Variants in LPIN1 observed in about 807,000 individuals in gnomAD.
LPIN1 encodes lipin 1, also known as phosphatidate phosphatase LPIN1.
A neutral mutation model predicts 107.5 loss-of-function variants in LPIN1; 71 were observed. The observed-to-expected ratio is 0.66, with a 90% CI of 0.55 to 0.80. LPIN1 has a LOEUF of 0.80. Among genes scored for constraint, LPIN1 ranks in the 30% least tolerant of loss-of-function variants. The probability of loss-of-function intolerance (pLI) is 0.00; values close to 1 mark genes in which losing one functional copy is unlikely to be tolerated. For missense variants in LPIN1, 1,043 were observed against 1,160.6 expected (o/e 0.90, Z 1.47); for synonymous variants, 445 against 452.6 (o/e 0.98, Z 0.21).
At chr2:11,768,955 A>G (rs1671412883) in intron 3 of LPIN1, among the ~76,000 whole-genome samples, 1 of 151,934 alleles carries the variant, frequency 6.6e-6, no homozygotes, top group Non-Finnish European at 1.5e-5. Context: ...AAAAAAAGAA[A>G]CCAAAAAAAC....
intron 3 of LPIN1, among the ~76,000 whole-genome samples, chr2:11,769,396 T>TTGTG (rs549478968): frequency 3.3e-5 from 5 of 151,398 alleles, no homozygotes; most frequent in Non-Finnish European, 7.4e-5. Context: ...CTTTGCTAGT[T>TTGTG]TGTGTGTGTG....
chr2:11,809,483 C>T (rs887733937), intron 17 of LPIN1, among the ~76,000 whole-genome samples: 1 of 152,072 alleles, frequency 6.6e-6, no homozygotes, highest in African/African-American at 2.4e-5. Context: ...ATGGCATGAT[C>T]TTGGCTCACT....
rs538974530 is a variant in LPIN1, at chr2:11,679,728, G to A, written c.81+2000G>A. On this transcript the variant is annotated intron_variant, in intron 1 of 21. Transcript: ENST00000449576. ...TCTAGATTCCCCCAACCCCTGCCCCGGCAGTCTCTGTGCGGTGCCCATGGC... is the reference window on the plus strand; with the variant it reads ...TCTAGATTCCCCCAACCCCTGCCCCAGCAGTCTCTGTGCGGTGCCCATGGC... Among the ~76,000 whole-genome samples, 12 of 152,332 alleles carry A rather than the reference G, an allele frequency of 7.9e-5. No homozygotes were observed. The South Asian group carries it at 1.0e-3, about 13-fold the overall frequency.
At chr2:11,740,843 A>G (rs10191952) in intron 1 of LPIN1, among the ~76,000 whole-genome samples, 69,318 of 152,020 alleles carry the variant, frequency 0.46, 16,123 homozygotes, top group African/African-American at 0.53. Flanking sequence ...GAAATAAACA[A>G]GTGAAAACCC....
Position 11,803,067 on chromosome 2 carries a change from G to C in LPIN1, c.2013+34G>C. On this transcript the variant is annotated intron_variant, in intron 15 of 20. Coordinates refer to ENST00000674199, the MANE Select transcript of LPIN1 (RefSeq NM_001349206.2). This position sits in a 1 kb window ranked among gnomAD's most constrained non-coding sequence, Gnocchi z 4.2. ...CCCATGCTTGGCGCGGCTGTGTTGT[G>C]AGCACATGAGGTTTCTGCAGACTCC... The C allele has an allele frequency of 6.2e-7, 1 of 1,611,054 alleles. No homozygotes were observed. The highest frequency in any genetic ancestry group is 1.3e-5 in the African/African-American group (1 of 74,984).
At chr2:11,701,089 T>C (rs528749974) in intron 1 of LPIN1, among the ~76,000 whole-genome samples, 31 of 152,238 alleles carry the variant, frequency 2.0e-4, no homozygotes, top group Non-Finnish European at 3.4e-4. Flanking sequence ...TCTTGTCTCC[T>C]TGAAGCCTTT....
Position 11,699,698 on chromosome 2 carries a change from T to C in LPIN1, c.82-14058T>C, listed in dbSNP as rs544994848. On this transcript the variant is annotated intron_variant, in intron 1 of 21. Coordinates refer to the LPIN1 transcript ENST00000449576. ...CACCATCGGACGAAGGGTCACTGAG[T>C]GACCACCGTGTGCTGGGCTCTGAAG... 3.9e-5 allele frequency among the ~76,000 whole-genome samples: 6 copies of C among 152,192 alleles called. No individual in the cohort carries two copies. In the South Asian group the frequency reaches 1.0e-3, roughly 26 times the overall value.
At chr2:11,749,326 T>C (rs1189441457) in intron 1 of LPIN1, among the ~76,000 whole-genome samples, 1 of 152,086 alleles carries the variant, frequency 6.6e-6, no homozygotes, top group Non-Finnish European at 1.5e-5. Flanking sequence ...CTGGCCCTGC[T>C]CCTTGATCAG....
chr2:11,809,498 C>A (rs1359772744), intron 17 of LPIN1, among the ~76,000 whole-genome samples: 1 of 152,086 alleles, frequency 6.6e-6, no homozygotes, highest in African/African-American at 2.4e-5. Flanking sequence ...CTCACTGCAA[C>A]CTCCGCCTCC....
rs990664052 is a variant in LPIN1 at position 11,697,568 on chromosome 2, G to C, written c.82-16188G>C. 6.6e-6 allele frequency among the ~76,000 whole-genome samples: 1 copy of C among 152,208 alleles called. No homozygotes were observed. On this transcript the variant is annotated intron_variant, in intron 1 of 21. Transcript: ENST00000449576. This position sits in a 1 kb window ranked among gnomAD's most constrained non-coding sequence, Gnocchi z 4.6. ...GGGTGCCCAGTGCTTGCTGAACCGT[G>C]GTGACCTGCTGACTCCTTCCCTTGC...
intron 14 of LPIN1, among the ~76,000 whole-genome samples, chr2:11,801,287 A>C (rs1677687445): frequency 6.6e-6 from 1 of 152,238 alleles, no homozygotes. Context: ...TCAGGATGTC[A>C]AAGGGATACC....
intron 1 of LPIN1, among the ~76,000 whole-genome samples, chr2:11,705,271 A>G (rs1226360378): frequency 2.6e-5 from 4 of 152,154 alleles, no homozygotes; most frequent in African/African-American, 9.7e-5. Context: ...TGACCTTCTG[A>G]GCTCAACTGT....
chr2:11,786,328 G>A lies in LPIN1; in HGVS notation c.1550-746G>A, dbSNP rs879818397. 6.6e-6 allele frequency among the ~76,000 whole-genome samples: 1 copy of A among 152,144 alleles called. No homozygotes were observed. The highest frequency in any genetic ancestry group is 1.5e-5 in the Non-Finnish European group (1 of 68,018). ...CTGCTGGGTTTCGGTTCGGTTCAGG[G>A]TAAATAGGAGCTCCCAGGGAAGGAG... is the stretch of plus-strand genomic sequence containing the variant. On this transcript the variant is annotated intron_variant, in intron 10 of 20. Transcript: ENST00000674199. The surrounding 1 kb of genome is among the most constrained non-coding windows in gnomAD (Gnocchi z 4.1).
chr2:11,723,200 T>C (rs1339341018), upstream of LPIN1, among the ~76,000 whole-genome samples: 1 of 152,234 alleles, frequency 6.6e-6, no homozygotes, highest in Non-Finnish European at 1.5e-5. Flanking sequence ...TTGGCTTGAC[T>C]CTGTGTTTTC....
chr2:11,703,737 G>T (rs1306765482), intron 1 of LPIN1, among the ~76,000 whole-genome samples: 1 of 152,096 alleles, frequency 6.6e-6, no homozygotes, highest in Non-Finnish European at 1.5e-5. Context: ...AACTAGACCT[G>T]CCTCCCTTCC....
At chr2:11,701,518 C>A (rs1188349590) in intron 1 of LPIN1, among the ~76,000 whole-genome samples, 1 of 152,144 alleles carries the variant, frequency 6.6e-6, no homozygotes, top group Non-Finnish European at 1.5e-5. Context: ...ACTCTCAATA[C>A]AAATGAGTTA....
chr2:11,795,561 G>A (rs1676555562), intron 14 of LPIN1, 74 bp downstream of exon 14: 1 of 1,315,240 alleles, frequency 7.6e-7, no homozygotes, highest in Non-Finnish European at 1.1e-6. Flanking sequence ...CTGCCTGGAT[G>A]CAGATAGGGT....
intron 6 of LPIN1, among the ~76,000 whole-genome samples, chr2:11,778,097 C>T (rs894640913): frequency 5.3e-5 from 8 of 151,996 alleles, no homozygotes; most frequent in Non-Finnish European, 1.0e-4. Context: ...ACTGGAAGAG[C>T]AAGGAGGTTG....
At position 11,804,620 on chromosome 2, in the gene LPIN1, TG is replaced by T. The variant is rs111652164; in HGVS notation, c.2162+54del. The T allele has an allele frequency of 0.19, 303,869 of 1,595,858 alleles. 31,946 individuals are homozygous for T. The highest frequency in any genetic ancestry group is 0.41 in the African/African-American group (30,214 of 74,434). On this transcript the variant is annotated intron_variant, in intron 16 of 20. Coordinates refer to ENST00000674199, the MANE Select transcript of LPIN1 (RefSeq NM_001349206.2). ...CATGGTAGATTTCTTTGCTTCACCG[TG>T]GGGGTCTCTGGGCCTGGTGTTGGCA...
Sources: allele counts gnomAD v4.1 joint callset (sites outside exome capture counted in the v4.1 genomes callset), GRCh38; gene constraint gnomAD v4.1.1; non-coding constraint Gnocchi (gnomAD v3.1); transcripts MANE v1.5; gene names NCBI Gene and HGNC (gene_info 2026-07-23, HGNC 2026-07-21).